Variants in APOL3 observed in about 807,000 individuals in gnomAD.
APOL3 encodes apolipoprotein L3, also known as TNF-inducible protein CG12-1.
In APOL3, 14 loss-of-function variants were observed where a neutral mutation model predicts 11.6. The observed-to-expected ratio is 1.21, with a 90% CI of 0.80 to 1.89. The LOEUF (loss-of-function observed/expected upper bound fraction) is 1.89, where lower values mean the gene tolerates loss of function less well. APOL3 is among the 40% of genes most tolerant of loss of function. The pLI, the probability that APOL3 is intolerant of heterozygous loss-of-function variation, is 0.00. For missense variants in APOL3, 483 were observed against 492.1 expected (o/e 0.98, Z 0.17); for synonymous variants, 192 against 190.6 (o/e 1.01, Z -0.06).
At chr22:36,159,208 G>C (rs895783397) in intron 1 of APOL3, 2 of 152,164 alleles carry the variant, frequency 1.3e-5, no homozygotes, top group African/African-American at 2.4e-5. Flanking sequence ...CAGGCATCTG[G>C]GCTGCAATGT....
intron 1 of APOL3, among the ~76,000 whole-genome samples, chr22:36,152,017 T>G (rs759266878): frequency 6.6e-6 from 1 of 151,472 alleles, no homozygotes; most frequent in African/African-American, 2.4e-5. Context: ...CGCACACTCA[T>G]GGAGAGGGGA....
intron 2 of APOL3, among the ~76,000 whole-genome samples, chr22:36,144,963 A>G (rs1435262732): frequency 6.8e-6 from 1 of 148,102 alleles, no homozygotes; most frequent in Non-Finnish European, 1.5e-5. Flanking sequence ...GTGGGCCGAG[A>G]TCATGCCACT....
At chr22:36,159,882 T>C (rs573621218) in intron 1 of APOL3, among the ~76,000 whole-genome samples, 6 of 148,252 alleles carry the variant, frequency 4.0e-5, no homozygotes, top group East Asian at 2.0e-4. Context: ...CTCTCTCTCT[T>C]TTTTTTTTTT....
At chr22:36,153,764 T>C (rs8135725) in intron 1 of APOL3, among the ~76,000 whole-genome samples, 4 of 152,346 alleles carry the variant, frequency 2.6e-5, no homozygotes, top group East Asian at 1.9e-4. Flanking sequence ...GTTGAGGACG[T>C]ATGCCTGTGA....
intron 1 of APOL3, among the ~76,000 whole-genome samples, chr22:36,150,734 A>G (rs1293078719): frequency 2.6e-5 from 4 of 151,536 alleles, no homozygotes; most frequent in African/African-American, 9.7e-5. Flanking sequence ...CACACACACA[A>G]ATTAGCTGGG....
chr22:36,153,352 A>C (rs2012133216), intron 1 of APOL3: 1 of 455,702 alleles, frequency 2.2e-6, no homozygotes, highest in South Asian at 1.5e-5. Flanking sequence ...CAAGTGCCAA[A>C]GAGAAATACA....
chr22:36,161,003 G>T, upstream of APOL3: 1 of 937,626 alleles, frequency 1.1e-6, no homozygotes, highest in Non-Finnish European at 1.6e-6. Context: ...GGGGTTTGCT[G>T]TGTCTTCAGG....
exon 3 of APOL3, chr22:36,141,697 T>G: frequency 6.2e-7 from 1 of 1,614,136 alleles, no homozygotes; most frequent in East Asian, 2.2e-5. Flanking sequence ...TCCACGATGC[T>G]GGTGGTGATC....
At position 36,157,779 on chromosome 22, in the gene APOL3, G is replaced by A. The variant is rs956023155; in HGVS notation, c.223+2890C>T. The stretch of plus-strand genomic sequence containing the variant: ...GTTTCTAAAAATATAGCCAGGTGCG[G>A]TGGCTCATACCTGTAATCCCAGCAC... On this transcript the variant is annotated intron_variant, in intron 1 of 2. Coordinates refer to ENST00000349314, the Ensembl canonical transcript of APOL3. Among the ~76,000 whole-genome samples the A allele has an allele frequency of 7.2e-5, 11 of 152,232 alleles. 1 individual carries two copies. Among genetic ancestry groups the A allele is most frequent in the Non-Finnish European group, 1.5e-5 (1 of 68,032 alleles).
chr22:36,162,445 T>A (rs2013751729), upstream of APOL3, among the ~76,000 whole-genome samples: 1 of 152,200 alleles, frequency 6.6e-6, no homozygotes, highest in African/African-American at 2.4e-5. Context: ...TGGGCTTTTC[T>A]GTGAAAATTA....
At chr22:36,147,012 C>G (rs1434169968) in intron 1 of APOL3, among the ~76,000 whole-genome samples, 1 of 152,016 alleles carries the variant, frequency 6.6e-6, no homozygotes, top group African/African-American at 2.4e-5. Context: ...AAATTGAGAC[C>G]CAGACAGCGA....
chr22:36,156,327 G>A (rs935240878), intron 1 of APOL3, among the ~76,000 whole-genome samples: 2 of 152,128 alleles, frequency 1.3e-5, no homozygotes, highest in Non-Finnish European at 2.9e-5. Context: ...GAACTCCTGG[G>A]TTCGAGGGAT....
At chr22:36,151,987 A>AGTGTGT (rs71322993) in intron 1 of APOL3, among the ~76,000 whole-genome samples, 84 of 151,164 alleles carry the variant, frequency 5.6e-4, no homozygotes, top group Non-Finnish European at 8.4e-4. Flanking sequence ...GAAGAATGTG[A>AGTGTGT]GTGTGTGTGT....
rs370964992 is a variant in APOL3, at chr22:36,141,630, A to G, written c.779T>C (p.Ile260Thr). 2.0e-5 allele frequency: 32 copies of G among 1,614,018 alleles called. No homozygotes were observed. In the Admixed American group the frequency reaches 2.0e-4, roughly 10 times the overall value. The change falls in exon 3 of 3, where the codon ATT (isoleucine) becomes ACT (threonine). Residue 260 changes from isoleucine (I) to threonine (T), a missense_variant. Coordinates refer to ENST00000349314, the Ensembl canonical transcript of APOL3. ...TTCCTTAAATACCTTCAATCGGTCAATGCTGGTTGCAGTCAGCCTGCTGGC... is the reference window on the plus strand; with the variant it reads ...TTCCTTAAATACCTTCAATCGGTCAGTGCTGGTTGCAGTCAGCCTGCTGGC...
upstream of APOL3, chr22:36,161,038 T>C: frequency 2.9e-6 from 2 of 683,266 alleles, no homozygotes; most frequent in Non-Finnish European, 5.0e-6. Flanking sequence ...ACTGAAAGAC[T>C]ATGAGACCCT....
At chr22:36,162,011 G>GCGGC (rs1569530114), upstream of APOL3, among the ~76,000 whole-genome samples, 1 of 152,108 alleles carries the variant, frequency 6.6e-6, no homozygotes, top group African/African-American at 2.4e-5. Flanking sequence ...AAACCTTCTG[G>GCGGC]CGGCGGGTGC....
At chr22:36,142,829 G>A (rs2060049010) in intron 2 of APOL3, among the ~76,000 whole-genome samples, 1 of 152,140 alleles carries the variant, frequency 6.6e-6, no homozygotes, top group South Asian at 2.1e-4. Flanking sequence ...TCTAGGCGCT[G>A]ACCTTCCATG....
chr22:36,150,933 G>T (rs1950557632), intron 1 of APOL3, among the ~76,000 whole-genome samples: 1 of 152,198 alleles, frequency 6.6e-6, no homozygotes. Flanking sequence ...GGAGATCAGA[G>T]ACTTCAACAG....
chr22:36,144,302 C>T (rs2060106788), intron 2 of APOL3, among the ~76,000 whole-genome samples: 1 of 152,168 alleles, frequency 6.6e-6, no homozygotes, highest in Non-Finnish European at 1.5e-5. Flanking sequence ...CAGGCCCACC[C>T]CTGCCCCATC....
Sources: gnomAD v4.1 joint callset for allele counts (sites outside exome capture counted in the v4.1 genomes callset) on GRCh38, gnomAD v4.1.1 for gene constraint, MANE v1.5 for transcripts, NCBI Gene and HGNC (gene_info 2026-07-23, HGNC 2026-07-21) for gene names.